The following FZD3 variants were observed in gnomAD, a reference collection of about 807,000 sequenced individuals.
FZD3 encodes the protein frizzled-3.
Under a neutral mutation model 60.7 loss-of-function variants are expected in FZD3, and 30 were observed. That is an observed-to-expected ratio of 0.49 (90% CI 0.37 to 0.67). The LOEUF is 0.67. Ranked by LOEUF, FZD3 falls within the 30% of genes least tolerant of loss-of-function variation. FZD3 has a pLI of 0.00. For missense variants in FZD3, 605 were observed against 838.7 expected (o/e 0.72, Z 3.44); for synonymous variants, 246 against 275.2 (o/e 0.89, Z 1.05).
At chr8:28,519,310 A>G (rs1804511000) in intron 3 of FZD3, among the ~76,000 whole-genome samples, 1 of 152,206 alleles carries the variant, frequency 6.6e-6, no homozygotes, top group Admixed American at 6.5e-5. Context: ...TATTTTATCT[A>G]TTCCTGTGGT....
At chr8:28,516,910 C>A (rs1469309195) in intron 3 of FZD3, among the ~76,000 whole-genome samples, 1 of 152,074 alleles carries the variant, frequency 6.6e-6, no homozygotes, top group Non-Finnish European at 1.5e-5. Flanking sequence ...ATAATTACTT[C>A]AACCATTCCC....
chr8:28,569,240 TAAAC>T lies in FZD3; in HGVS notation c.*6233_*6236del, dbSNP rs1272322876. On this transcript the variant is annotated 3_prime_UTR_variant, in exon 8 of 8. Coordinates refer to ENST00000240093, the MANE Select transcript of FZD3 (RefSeq NM_017412.4). ...TATTTTCTATCCTGGAGTCTAAAAT[TAAAC>T]AAAAAAATCTATTTTCTAAATTGGC... 1 of 151,674 alleles carries T rather than the reference TAAAC, an allele frequency of 6.6e-6. No homozygotes were observed. Among genetic ancestry groups the T allele is most frequent in the Non-Finnish European group, 1.5e-5 (1 of 67,888 alleles). The allele number at this position is 151,674 out of a possible 1,614,324, so 9.4% of individuals were successfully genotyped here.
chr8:28,560,100 TAAG>T (rs1340359390), intron 7 of FZD3, among the ~76,000 whole-genome samples: 2 of 152,012 alleles, frequency 1.3e-5, no homozygotes, highest in African/African-American at 2.4e-5. Context: ...AGGGAGTAAA[TAAG>T]GAGGTATTAG....
At chr8:28,514,348 GA>G (rs1399600738) in intron 3 of FZD3, among the ~76,000 whole-genome samples, 1 of 151,998 alleles carries the variant, frequency 6.6e-6, no homozygotes, top group East Asian at 1.9e-4. Context: ...TTGCTTATTT[GA>G]AAAATATTAA....
intron 6 of FZD3, among the ~76,000 whole-genome samples, chr8:28,552,632 A>T (rs1805434224): frequency 1.3e-5 from 2 of 152,284 alleles, no homozygotes; most frequent in Admixed American, 6.5e-5. Flanking sequence ...TAAATATTTT[A>T]AAATTATATG....
intron 5 of FZD3, among the ~76,000 whole-genome samples, chr8:28,531,520 A>G (rs968668996): frequency 2.6e-5 from 4 of 152,134 alleles, no homozygotes; most frequent in Non-Finnish European, 4.4e-5. Flanking sequence ...GAATTTTTGC[A>G]TTGTAGGCTA....
intron 4 of FZD3, among the ~76,000 whole-genome samples, chr8:28,521,829 A>G (rs1804588351): frequency 6.6e-6 from 1 of 152,256 alleles, no homozygotes; most frequent in African/African-American, 2.4e-5. Context: ...TTAGCCTTCT[A>G]CTGATGGTCA....
intron 3 of FZD3, among the ~76,000 whole-genome samples, chr8:28,505,832 C>G (rs111462001): frequency 2.6e-5 from 4 of 152,306 alleles, no homozygotes; most frequent in African/African-American, 9.6e-5. Flanking sequence ...ATACTCTGTA[C>G]TTTTATTGAG....
chr8:28,558,434 TTA>T (rs1418917619), intron 7 of FZD3, among the ~76,000 whole-genome samples: 13 of 96,356 alleles, frequency 1.3e-4, no homozygotes, highest in South Asian at 3.7e-4. Context: ...TTTTATTTAT[TTA>T]TTTTTTTTTT....
chr8:28,512,896 T>C (rs1437208066), intron 3 of FZD3, among the ~76,000 whole-genome samples: 1 of 152,216 alleles, frequency 6.6e-6, no homozygotes, highest in East Asian at 1.9e-4. Context: ...TAACATTTTA[T>C]GGATAGGCTT....
At chr8:28,538,352 T>G (rs1269799393) in intron 5 of FZD3, among the ~76,000 whole-genome samples, 1 of 152,120 alleles carries the variant, frequency 6.6e-6, no homozygotes, top group Non-Finnish European at 1.5e-5. Flanking sequence ...TTGCTTCTAG[T>G]TTTTTAAGTT....
chr8:28,568,367 T>G lies in FZD3; in HGVS notation c.*5356T>G, dbSNP rs1331594096. 2.6e-5 allele frequency: 4 copies of G among 152,168 alleles called. No homozygotes were observed. The highest frequency in any genetic ancestry group is 4.4e-5 in the Non-Finnish European group (3 of 68,014). The allele number at this position is 152,168 out of a possible 1,614,324, so 9.4% of individuals were successfully genotyped here. On this transcript the variant is annotated 3_prime_UTR_variant, in exon 8 of 8. Transcript: ENST00000240093. The stretch of plus-strand genomic sequence containing the variant: ...TAATTTAATTCTCTTCTCTCCTTCT[T>G]TTGTTCCGATTAGATGAATTTGGGA...
chr8:28,510,870 C>T (rs1804268272), intron 3 of FZD3, among the ~76,000 whole-genome samples: 1 of 151,062 alleles, frequency 6.6e-6, no homozygotes, highest in Non-Finnish European at 1.5e-5. Flanking sequence ...AACCTCATCT[C>T]TACTAAAAAT....
chr8:28,494,306 G>GC lies in FZD3; in HGVS notation c.-421dup, dbSNP rs3214597. 66 of 151,460 alleles carry GC rather than the reference G, an allele frequency of 4.4e-4. No homozygotes were observed. The highest frequency in any genetic ancestry group is 8.3e-4 in the South Asian group (4 of 4,822). 9.4% of individuals were successfully genotyped at this position (151,460 alleles called of 1,614,324 possible). On this transcript the variant is annotated 5_prime_UTR_variant, in exon 1 of 8. Transcript: ENST00000240093. ...GCGGCCGCCCGCGGCAGGCGGTGCA[G>GC]CCCCCCCACCCCTTGGAGCCAGGCG...
chr8:28,540,589 A>G (rs963917775), intron 5 of FZD3, among the ~76,000 whole-genome samples: 1 of 152,174 alleles, frequency 6.6e-6, no homozygotes, highest in African/African-American at 2.4e-5. Context: ...AATACTTGAC[A>G]GTTTTCTTAT....
chr8:28,532,528 G>A (rs953144979), intron 5 of FZD3, among the ~76,000 whole-genome samples: 4 of 151,950 alleles, frequency 2.6e-5, no homozygotes, highest in Non-Finnish European at 5.9e-5. Context: ...CCAGGCTCGA[G>A]TGATCCTCCT....
intron 1 of FZD3, among the ~76,000 whole-genome samples, chr8:28,495,149 T>G (rs1803810053): frequency 6.6e-6 from 1 of 152,232 alleles, no homozygotes; most frequent in Non-Finnish European, 1.5e-5. Flanking sequence ...CTTAGGAGTC[T>G]TGAGTTCGAT....
intron 1 of FZD3, among the ~76,000 whole-genome samples, chr8:28,495,917 C>A (rs1300035255): frequency 1.3e-5 from 2 of 152,030 alleles, no homozygotes; most frequent in African/African-American, 2.4e-5. Context: ...TCATTCTACC[C>A]TCTCTTTCCT....
intron 1 of FZD3, among the ~76,000 whole-genome samples, chr8:28,498,263 G>A (rs550836138): frequency 6.6e-6 from 1 of 151,928 alleles, no homozygotes; most frequent in Admixed American, 6.6e-5. Context: ...CTCCGATTAT[G>A]TTAATCTAAT....
Sources: gnomAD v4.1 joint callset for allele counts (sites outside exome capture counted in the v4.1 genomes callset) on GRCh38, gnomAD v4.1.1 for gene constraint, MANE v1.5 for transcripts, NCBI Gene and HGNC (gene_info 2026-07-23, HGNC 2026-07-21) for gene names.